DAPK1: variants seen among roughly 807,000 people sequenced by gnomAD.
DAPK1 encodes the protein death associated protein kinase 1, also known as death-associated protein kinase 1.
DAPK1 carries 56 observed loss-of-function variants against 144.9 expected under a neutral mutation model. That is an observed-to-expected ratio of 0.39 (90% confidence interval 0.31 to 0.48). DAPK1 has a LOEUF of 0.48. DAPK1 is among the 20% of genes least tolerant of loss of function. The probability of loss-of-function intolerance (pLI) is 0.95; values close to 1 mark genes in which losing one functional copy is unlikely to be tolerated. For synonymous variants in DAPK1, 690 were observed against 749.0 expected (o/e 0.92, Z 1.29); for missense variants, 1,454 against 1,875.4 (o/e 0.78, Z 4.15).
In DAPK1 at chr9:87,545,789, C is replaced by A. The variant is rs540956775; in HGVS notation, c.62+46650C>A. Among the ~76,000 whole-genome samples, 136 of 152,094 alleles carry A rather than the reference C, an allele frequency of 8.9e-4. 1 individual carries two copies. Among genetic ancestry groups the A allele is most frequent in the African/African-American group, 3.2e-3 (132 of 41,494 alleles). ...CGAACTCCTGACCTCAGGTGATCCACCCGCCTCAGCCTCCCAAAGTGCTGG... is the reference window on the plus strand; with the variant it reads ...CGAACTCCTGACCTCAGGTGATCCAACCGCCTCAGCCTCCCAAAGTGCTGG... On this transcript the variant is annotated intron_variant, in intron 2 of 25. Coordinates refer to ENST00000408954, the MANE Select transcript of DAPK1 (RefSeq NM_004938.4).
chr9:87,516,879 C>T (rs1825081261), intron 2 of DAPK1, among the ~76,000 whole-genome samples: 1 of 152,034 alleles, frequency 6.6e-6, no homozygotes, highest in African/African-American at 2.4e-5. Context: ...GGAACTGGGC[C>T]CTTCTGATGG....
At chr9:87,508,885 G>A (rs1302916741) in intron 2 of DAPK1, among the ~76,000 whole-genome samples, 1 of 152,224 alleles carries the variant, frequency 6.6e-6, no homozygotes, top group Non-Finnish European at 1.5e-5. Flanking sequence ...AAGAAAAAAA[G>A]TGGCGGAAGG....
intron 2 of DAPK1, among the ~76,000 whole-genome samples, chr9:87,519,815 G>A (rs755263682): frequency 4.6e-5 from 7 of 152,104 alleles, no homozygotes; most frequent in Non-Finnish European, 8.8e-5. Context: ...CTGCTCTCAG[G>A]GGTGTCAGTG....
chr9:87,556,524 G>A (rs11141883), intron 2 of DAPK1, among the ~76,000 whole-genome samples: 45,212 of 152,212 alleles, frequency 0.3, 7,030 homozygotes, highest in Middle Eastern at 0.41. Context: ...GAATGCTACA[G>A]CCTGGCCCCA....
chr9:87,697,408 A>C (rs1025583809), intron 22 of DAPK1, among the ~76,000 whole-genome samples: 1 of 152,218 alleles, frequency 6.6e-6, no homozygotes, highest in African/African-American at 2.4e-5. Context: ...GAGAAGCTTC[A>C]TGAGGCTCAA....
intron 2 of DAPK1, among the ~76,000 whole-genome samples, chr9:87,600,645 A>G (rs1828484098): frequency 6.6e-6 from 1 of 152,208 alleles, no homozygotes; most frequent in African/African-American, 2.4e-5. Flanking sequence ...TACAAAATCC[A>G]TTAATAATAA....
intron 17 of DAPK1, among the ~76,000 whole-genome samples, chr9:87,652,201 C>CA (rs1228657471): frequency 1.7e-3 from 151 of 87,526 alleles, no homozygotes; most frequent in African/African-American, 4.6e-3. Context: ...GTGTCCATCC[C>CA]CCCGATCCCG....
At chr9:87,673,963 CA>C (rs1173946543) in intron 19 of DAPK1, among the ~76,000 whole-genome samples, 1 of 152,124 alleles carries the variant, frequency 6.6e-6, no homozygotes, top group Non-Finnish European at 1.5e-5. Context: ...GGCAGCTGTC[CA>C]AACCTGCCTG....
chr9:87,619,004 C>G (rs921278010), intron 3 of DAPK1, among the ~76,000 whole-genome samples: 2 of 152,162 alleles, frequency 1.3e-5, no homozygotes, highest in African/African-American at 4.8e-5. Flanking sequence ...GCCTTTGAAC[C>G]TGTGTCCAGG....
At chr9:87,705,819 C>T (rs1825614909) in intron 25 of DAPK1, among the ~76,000 whole-genome samples, 1 of 152,158 alleles carries the variant, frequency 6.6e-6, no homozygotes, top group African/African-American at 2.4e-5. Context: ...TTTTGGGATT[C>T]AGAATCCAGT....
chr9:87,682,718 C>G (rs181754082), intron 20 of DAPK1, among the ~76,000 whole-genome samples: 1 of 152,254 alleles, frequency 6.6e-6, no homozygotes, highest in East Asian at 1.9e-4. Flanking sequence ...GTACTGTGTG[C>G]CAGGAACTGG....
At chr9:87,602,409 C>T (rs907946771) in intron 2 of DAPK1, among the ~76,000 whole-genome samples, 3 of 152,184 alleles carry the variant, frequency 2.0e-5, no homozygotes, top group Non-Finnish European at 4.4e-5. Flanking sequence ...TAAACGAAGG[C>T]ACCACAGTTC....
intron 2 of DAPK1, among the ~76,000 whole-genome samples, chr9:87,536,753 C>T (rs576626566): frequency 6.6e-6 from 1 of 152,166 alleles, no homozygotes; most frequent in South Asian, 2.1e-4. Context: ...GCCTTTAGGG[C>T]AAATTATATT....
At chr9:87,619,756 G>A (rs752908845) in intron 3 of DAPK1, among the ~76,000 whole-genome samples, 5 of 152,180 alleles carry the variant, frequency 3.3e-5, no homozygotes, top group Admixed American at 2.6e-4. Context: ...CTATTATATG[G>A]CCGGCATTGT....
chr9:87,651,472 C>T lies in DAPK1; in HGVS notation c.1627-55C>T, dbSNP rs142703081. 1.6e-4 allele frequency: 242 copies of T among 1,558,690 alleles called. 1 individual carries two copies. The highest frequency in any genetic ancestry group is 2.0e-4 in the African/African-American group (15 of 73,926). On this transcript the variant is annotated intron_variant, in intron 16 of 25. Coordinates refer to ENST00000408954, the MANE Select transcript of DAPK1 (RefSeq NM_004938.4). ...GATGGCGGCAGAAAAGGTGAAGAGA[C>T]GGAGGCCACATGCCCAAGTGAAAAG...
intron 19 of DAPK1, among the ~76,000 whole-genome samples, chr9:87,680,079 T>C (rs1824548484): frequency 6.6e-6 from 1 of 151,420 alleles, no homozygotes; most frequent in Non-Finnish European, 1.5e-5. Flanking sequence ...AATATATTAA[T>C]ATTTTAAAAT....
chr9:87,645,579 T>C (rs1465975395), intron 11 of DAPK1, among the ~76,000 whole-genome samples: 1 of 152,244 alleles, frequency 6.6e-6, no homozygotes, highest in Admixed American at 6.5e-5. Flanking sequence ...GAACTATGTT[T>C]TGACAGATTC....
At chr9:87,664,371 A>C (rs1181359223) in intron 18 of DAPK1, among the ~76,000 whole-genome samples, 1 of 152,112 alleles carries the variant, frequency 6.6e-6, no homozygotes, top group Non-Finnish European at 1.5e-5. Context: ...CTCTCTGCCC[A>C]CTTCTGCCCT....
rs200837532 is a variant in DAPK1, at chr9:87,639,776, G to A, written c.603-13G>A. 3.1e-6 allele frequency: 5 copies of A among 1,613,568 alleles called. No homozygotes were observed. The highest frequency in any genetic ancestry group is 1.7e-5 in the Admixed American group (1 of 60,006). ...TCTGACATGTTTTTTTGTTTGTTTTGTGTTGTTTTTAGGAGTATCGGGGTA... is the reference window on the plus strand; with the variant it reads ...TCTGACATGTTTTTTTGTTTGTTTTATGTTGTTTTTAGGAGTATCGGGGTA... On this transcript the variant is annotated splice_polypyrimidine_tract_variant and intron_variant, in intron 6 of 25. Transcript: ENST00000408954.
Sources: allele counts gnomAD v4.1 joint callset (sites outside exome capture counted in the v4.1 genomes callset), GRCh38; gene constraint gnomAD v4.1.1; transcripts MANE v1.5; gene names NCBI Gene and HGNC (gene_info 2026-07-23, HGNC 2026-07-21).